Variants in EPHA6 observed in about 807,000 individuals in gnomAD.
EPHA6 encodes EPH receptor A6, also known as ephrin type-A receptor 6.
Under a neutral mutation model 112.0 loss-of-function variants are expected in EPHA6, and 50 were observed. That is an observed-to-expected ratio of 0.45 (90% CI 0.36 to 0.56). The LOEUF is 0.56. Among genes scored for constraint, EPHA6 ranks in the 20% least tolerant of loss-of-function variants. The pLI, the probability that EPHA6 is intolerant of heterozygous loss-of-function variation, is 0.00. For missense variants in EPHA6, 1,280 were observed against 1,417.4 expected (o/e 0.90, Z 1.56); for synonymous variants, 529 against 490.7 (o/e 1.08, Z -1.03).
At chr3:97,663,985 C>T (rs1319874777) in intron 14 of EPHA6, among the ~76,000 whole-genome samples, 1 of 152,182 alleles carries the variant, frequency 6.6e-6, no homozygotes, top group African/African-American at 2.4e-5. Flanking sequence ...TCCACATCCT[C>T]TCCAGCACCT....
chr3:96,868,119 AAATG>A (rs578177127), intron 2 of EPHA6, among the ~76,000 whole-genome samples: 97 of 151,694 alleles, frequency 6.4e-4, no homozygotes, highest in Middle Eastern at 3.4e-3. Context: ...TACTTTTAAG[AAATG>A]AATGAAACTT....
At chr3:96,872,780 A>T (rs1318700419) in intron 2 of EPHA6, among the ~76,000 whole-genome samples, 2 of 151,460 alleles carry the variant, frequency 1.3e-5, no homozygotes, top group Non-Finnish European at 2.9e-5. Flanking sequence ...CTTTTTTTTT[A>T]AATTTGATGT....
At chr3:97,232,643 G>C (rs1189971588) in intron 4 of EPHA6, among the ~76,000 whole-genome samples, 1 of 152,150 alleles carries the variant, frequency 6.6e-6, no homozygotes, top group Admixed American at 6.5e-5. Flanking sequence ...ATGAGACCAA[G>C]GCAAGTTTTA....
chr3:96,999,140 G>A (rs1049301914), intron 3 of EPHA6, among the ~76,000 whole-genome samples: 1 of 151,788 alleles, frequency 6.6e-6, no homozygotes, highest in African/African-American at 2.4e-5. Flanking sequence ...AAGCATTTGG[G>A]TCTATCATGT....
intron 7 of EPHA6, among the ~76,000 whole-genome samples, chr3:97,468,339 T>C (rs1376082869): frequency 6.6e-6 from 1 of 151,648 alleles, no homozygotes; most frequent in Non-Finnish European, 1.5e-5. Context: ...TGAATGAATG[T>C]AAAAGAAAAA....
chr3:97,335,263 C>T (rs1310665731), intron 5 of EPHA6, among the ~76,000 whole-genome samples: 1 of 152,138 alleles, frequency 6.6e-6, no homozygotes, highest in African/African-American at 2.4e-5. Flanking sequence ...CTAGATATCT[C>T]TCTCTCTCTG....
chr3:97,400,082 A>G (rs1380375250), intron 5 of EPHA6, among the ~76,000 whole-genome samples: 1 of 151,692 alleles, frequency 6.6e-6, no homozygotes, highest in Non-Finnish European at 1.5e-5. Context: ...GAGTCTTAAC[A>G]TTTAAGTCTT....
intron 2 of EPHA6, among the ~76,000 whole-genome samples, chr3:96,979,468 G>T (rs2042668139): frequency 6.6e-6 from 1 of 152,048 alleles, no homozygotes; most frequent in Non-Finnish European, 1.5e-5. Flanking sequence ...CATTTGGGTT[G>T]GTTCTAAGTC....
chr3:97,673,670 T>C (rs2031079984), intron 14 of EPHA6, among the ~76,000 whole-genome samples: 2 of 152,188 alleles, frequency 1.3e-5, no homozygotes, highest in Admixed American at 1.3e-4. Flanking sequence ...GGGTAAACTT[T>C]ATTCCAAAGA....
chr3:97,488,697 A>AT (rs1325061165), intron 10 of EPHA6, among the ~76,000 whole-genome samples: 1 of 152,070 alleles, frequency 6.6e-6, no homozygotes, highest in African/African-American at 2.4e-5. Context: ...TTTATGGCTC[A>AT]TTTTCTCTAT....
chr3:96,994,728 TATATAGAGAGAGAGAGAG>T (rs2043344188), intron 3 of EPHA6, among the ~76,000 whole-genome samples: 1 of 78,852 alleles, frequency 1.3e-5, no homozygotes, highest in African/African-American at 7.6e-5. Context: ...TATATATATA[TATATAGAGAGAGAGAGAG>T]AGAGAGAGAG....
At chr3:96,929,503 G>T (rs900637526) in intron 2 of EPHA6, among the ~76,000 whole-genome samples, 1 of 152,118 alleles carries the variant, frequency 6.6e-6, no homozygotes, top group African/African-American at 2.4e-5. Flanking sequence ...GCTTAGTTTG[G>T]ACTGATATGA....
At chr3:97,331,212 C>A (rs979962072) in intron 5 of EPHA6, among the ~76,000 whole-genome samples, 1 of 151,978 alleles carries the variant, frequency 6.6e-6, no homozygotes, top group Non-Finnish European at 1.5e-5. Context: ...AACAAAGACA[C>A]AACATACCAG....
intron 11 of EPHA6, among the ~76,000 whole-genome samples, chr3:97,587,231 A>T (rs1317038447): frequency 1.3e-5 from 2 of 149,756 alleles, no homozygotes; most frequent in African/African-American, 4.9e-5. Context: ...ACAGAATGAG[A>T]CTCCGTCTCA....
At chr3:97,365,533 C>G (rs546814512) in intron 5 of EPHA6, among the ~76,000 whole-genome samples, 2 of 152,104 alleles carry the variant, frequency 1.3e-5, no homozygotes, top group African/African-American at 2.4e-5. Flanking sequence ...TGGCACACGC[C>G]ACCACACCCA....
At chr3:96,831,681 G>A (rs2034090748) in intron 1 of EPHA6, among the ~76,000 whole-genome samples, 1 of 151,944 alleles carries the variant, frequency 6.6e-6, no homozygotes, top group Admixed American at 6.6e-5. Flanking sequence ...TGATTTATTT[G>A]CAGGTGGTTT....
chr3:97,587,108 C>T (rs767233848), intron 11 of EPHA6, among the ~76,000 whole-genome samples: 1 of 151,842 alleles, frequency 6.6e-6, no homozygotes, highest in Non-Finnish European at 1.5e-5. Context: ...CCGGACATGG[C>T]GGCGGGCACC....
At chr3:97,314,013 G>A (rs1427387458) in intron 5 of EPHA6, among the ~76,000 whole-genome samples, 1 of 151,402 alleles carries the variant, frequency 6.6e-6, no homozygotes, top group East Asian at 1.9e-4. Flanking sequence ...TTAGTTTCAG[G>A]TCTTACATGT....
chr3:97,288,924 A>ATTTTTTTTTT (rs374397667), intron 5 of EPHA6, among the ~76,000 whole-genome samples: 1 of 111,286 alleles, frequency 9.0e-6, no homozygotes, highest in African/African-American at 3.5e-5. Context: ...TTTAATGGGG[A>ATTTTTTTTTT]TTTTTTTTTT....
Sources: gnomAD v4.1 joint callset for allele counts (sites outside exome capture counted in the v4.1 genomes callset) on GRCh38, gnomAD v4.1.1 for gene constraint, MANE v1.5 for transcripts, NCBI Gene and HGNC (gene_info 2026-07-23, HGNC 2026-07-21) for gene names.